LIPA: variants seen among roughly 807,000 people sequenced by gnomAD.
LIPA encodes lipase A, lysosomal acid type, also known as lysosomal acid lipase/cholesteryl ester hydrolase.
A neutral mutation model predicts 40.6 loss-of-function variants in LIPA; 26 were observed. The observed-to-expected ratio is 0.64, with a 90% CI of 0.47 to 0.89. The LOEUF (loss-of-function observed/expected upper bound fraction) is 0.89. LIPA is among the 40% of genes least tolerant of loss of function. LIPA has a pLI of 0.00. For missense variants in LIPA, 455 were observed against 479.6 expected, an observed-to-expected ratio of 0.95 and a Z score of 0.48; for synonymous variants, 188 against 168.4, an observed-to-expected ratio of 1.12 and a Z score of -0.90.
chr10:89,234,958 C>T (rs1330401778), intron 3 of LIPA, among the ~76,000 whole-genome samples: 3 of 152,204 alleles, frequency 2.0e-5, no homozygotes, highest in Non-Finnish European at 2.9e-5. Flanking sequence ...AGCTAGGAAG[C>T]GTGAGGGTTG....
At chr10:89,328,081 C>A in intron 1 of LIPA, 3 of 1,613,852 alleles carry the variant, frequency 1.9e-6, no homozygotes, top group Non-Finnish European at 2.5e-6. Context: ...GTCATGAGGT[C>A]AGTGAAATAA....
At chr10:89,284,522 C>A (rs895175980) in intron 1 of LIPA, 2 of 151,984 alleles carry the variant, frequency 1.3e-5, no homozygotes, top group African/African-American at 2.4e-5. Flanking sequence ...TCTCAGTGAT[C>A]TTTAAAAAAT....
intron 1 of LIPA, among the ~76,000 whole-genome samples, chr10:89,288,748 C>A (rs562649056): frequency 7.9e-4 from 120 of 152,044 alleles, no homozygotes; most frequent in Middle Eastern, 3.4e-3. Context: ...CACTCTGCCC[C>A]CTCCATTATC....
intron 1 of LIPA, among the ~76,000 whole-genome samples, chr10:89,312,270 A>C (rs897824415): frequency 6.6e-6 from 1 of 151,886 alleles, no homozygotes; most frequent in African/African-American, 2.4e-5. Context: ...GTGAAACCCT[A>C]TCTCTACAAA....
chr10:89,388,928 T>C (rs943629600), intron 2 of LIPA, among the ~76,000 whole-genome samples: 39 of 152,138 alleles, frequency 2.6e-4, no homozygotes, highest in African/African-American at 7.2e-4. Context: ...TGAGAAGATA[T>C]GTAAATCATC....
chr10:89,400,795 C>A lies in LIPA; in HGVS notation c.61+11996G>T, dbSNP rs552807844. ...TTGCTCTGACTAGAATTTCCAGTAC[C>A]ATGTTGAATAGAAGTGGTGAAAGGA... On this transcript the variant is annotated intron_variant, in intron 2 of 8. Transcript: ENST00000371837. Among the ~76,000 whole-genome samples, 21 of 152,238 alleles carry A rather than the reference C, an allele frequency of 1.4e-4. 1 individual carries two copies. The East Asian group carries it at 3.5e-3, about 25-fold the overall frequency.
chr10:89,222,510 C>T lies in LIPA; in HGVS notation c.894+1G>A, dbSNP rs1564751995. On this transcript the variant is annotated splice_donor_variant, in intron 8 of 9. Coordinates refer to ENST00000336233, the MANE Select transcript of LIPA (RefSeq NM_000235.4). LOFTEE classifies it high-confidence loss of function. ...CCCAAATGCACTCCTGGAATGCCTA[C>T]CTGGCTCCAGTGTAACATGTTTTGC... 1 of 1,602,796 alleles carries T rather than the reference C, an allele frequency of 6.2e-7. No homozygotes were observed. The highest frequency in any genetic ancestry group is 8.5e-7 in the Non-Finnish European group (1 of 1,169,718).
chr10:89,258,242 A>G (rs1358932985), intron 1 of LIPA, among the ~76,000 whole-genome samples: 9 of 152,218 alleles, frequency 5.9e-5, no homozygotes, highest in Non-Finnish European at 8.8e-5. Flanking sequence ...TATATGCAAA[A>G]CAATGAACCT....
intron 1 of LIPA, among the ~76,000 whole-genome samples, chr10:89,272,292 T>C (rs568659361): frequency 6.6e-6 from 1 of 151,822 alleles, no homozygotes; most frequent in East Asian, 2.0e-4. Context: ...TGTTCCCCTC[T>C]ATGTGTCCAT....
intron 2 of LIPA, chr10:89,384,338 C>G (rs1844187779): frequency 1.2e-6 from 2 of 1,613,918 alleles, no homozygotes; most frequent in Non-Finnish European, 1.7e-6. Flanking sequence ...TTTGAGATGG[C>G]CTATGTTGAC....
chr10:89,323,122 T>C (rs939681363), intron 1 of LIPA, among the ~76,000 whole-genome samples: 31 of 152,314 alleles, frequency 2.0e-4, no homozygotes, highest in Non-Finnish European at 2.8e-4. Context: ...AATTCTTGTT[T>C]CTGTTGGTTC....
At chr10:89,370,940 C>G (rs1488272930) in intron 2 of LIPA, among the ~76,000 whole-genome samples, 1 of 152,188 alleles carries the variant, frequency 6.6e-6, no homozygotes, top group Non-Finnish European at 1.5e-5. Context: ...ATTGCTTGAA[C>G]CCAGGAGGCA....
intron 3 of LIPA, among the ~76,000 whole-genome samples, chr10:89,235,655 C>T (rs1049601830): frequency 4.6e-5 from 7 of 152,324 alleles, no homozygotes; most frequent in South Asian, 2.1e-4. Context: ...TGAGTCCGGA[C>T]AGGACTCCGT....
At chr10:89,258,513 A>G (rs1843192129) in intron 1 of LIPA, among the ~76,000 whole-genome samples, 1 of 152,190 alleles carries the variant, frequency 6.6e-6, no homozygotes, top group African/African-American at 2.4e-5. Flanking sequence ...CTTCATACCC[A>G]CTAGGATAGC....
intron 1 of LIPA, among the ~76,000 whole-genome samples, chr10:89,311,299 G>C (rs1843514008): frequency 6.6e-6 from 1 of 152,078 alleles, no homozygotes; most frequent in Non-Finnish European, 1.5e-5. Flanking sequence ...AAGGAGGGTA[G>C]ATCACCTGAG....
chr10:89,324,382 A>C (rs4644573), intron 1 of LIPA, among the ~76,000 whole-genome samples: 1 of 152,196 alleles, frequency 6.6e-6, no homozygotes, highest in Admixed American at 6.5e-5. Flanking sequence ...TCAACTCAAG[A>C]TGGATGAAAT....
chr10:89,385,269 G>A (rs1442987249), intron 2 of LIPA: 1 of 153,232 alleles, frequency 6.5e-6, no homozygotes, highest in Non-Finnish European at 1.5e-5. Flanking sequence ...CTTCAAAAAT[G>A]TATAGTCTGA....
At chr10:89,343,111 A>G (rs1843886711), upstream of LIPA, among the ~76,000 whole-genome samples, 1 of 152,202 alleles carries the variant, frequency 6.6e-6, no homozygotes, top group Non-Finnish European at 1.5e-5. Context: ...CATGGCTGAC[A>G]CTCCTATAAC....
At chr10:89,340,969 G>C (rs1441674643) in intron 1 of LIPA, 8 of 152,156 alleles carry the variant, frequency 5.3e-5, no homozygotes. Flanking sequence ...AACTCTGTTA[G>C]AATAGAGGTA....
Sources: allele counts gnomAD v4.1 joint callset (sites outside exome capture counted in the v4.1 genomes callset), GRCh38; gene constraint gnomAD v4.1.1; transcripts MANE v1.5; gene names NCBI Gene and HGNC (gene_info 2026-07-23, HGNC 2026-07-21).